ZNF648: variants seen among roughly 807,000 people sequenced by gnomAD.
ZNF648 encodes zinc finger protein 648.
Under a neutral mutation model 0.3 loss-of-function variants are expected in ZNF648, and 1 was observed. The ratio of observed to expected loss-of-function variants is 3.90; its 90% confidence interval spans 1.39 to 18.51. The LOEUF (loss-of-function observed/expected upper bound fraction) is 18.51, where lower values mean the gene tolerates loss of function less well. Among genes scored for constraint, ZNF648 ranks in the 30% most tolerant of loss-of-function variants. ZNF648 has a pLI of 0.11. For missense variants in ZNF648, 874 were observed against 769.7 expected, an observed-to-expected ratio of 1.14 and a Z score of -1.60; for synonymous variants, 376 against 326.8, an observed-to-expected ratio of 1.15 and a Z score of -1.62.
rs559054881 is a variant in ZNF648 at position 182,056,365 on chromosome 1, C to T, written c.1646G>A (p.Arg549Gln). The change falls in exon 2 of 2, where the codon CGA becomes CAA. Residue 549 changes from arginine (R) to glutamine (Q), a missense_variant. Arg to Gln is a conservative substitution (Grantham distance 43). Transcript: ENST00000339948. The stretch of plus-strand genomic sequence containing the variant: ...GCAGGTGCCGTGCTTGGCTCGGTGT[C>T]GTTGGAGGTGATTGGACCTGGTGAA... ...QAFTRSNHLQRHRAKHGTCKK... is the reference protein window; with the variant it reads ...QAFTRSNHLQQHRAKHGTCKK... 9 of 1,614,074 alleles carry T rather than the reference C, an allele frequency of 5.6e-6. No individual in the cohort carries two copies. Among genetic ancestry groups the T allele is most frequent in the Non-Finnish European group, 6.8e-6 (8 of 1,179,978 alleles).
chr1:182,067,542 T>C, the ZNF648 span, among the ~76,000 whole-genome samples: 1 of 152,150 alleles, frequency 6.6e-6, no homozygotes, highest in Non-Finnish European at 1.5e-5. Flanking sequence ...ACCTCTGGTC[T>C]CCACTGGAAC....
the ZNF648 span, among the ~76,000 whole-genome samples, chr1:182,069,619 A>G: frequency 2.6e-5 from 4 of 152,218 alleles, no homozygotes; most frequent in African/African-American, 9.7e-5. Flanking sequence ...ACCTCTGGCA[A>G]ATCTAATGGG....
At position 182,057,556 on chromosome 1, in the gene ZNF648, T is replaced by C; in HGVS notation, c.455A>G (p.Tyr152Cys). ...GDRLPAGDDG[Y>C]SGANQDAVLD... ...GACTGCGTCCTGGTTTGCCCCCGAGTATCCATCATCACCCGCAGGTAGTCG... is the reference window on the plus strand; with the variant it reads ...GACTGCGTCCTGGTTTGCCCCCGAGCATCCATCATCACCCGCAGGTAGTCG... Residue 152 changes from tyrosine to cysteine, a missense_variant, in exon 2 of 2, where the codon TAC becomes TGC. Coordinates refer to ENST00000339948, the MANE Select transcript of ZNF648 (RefSeq NM_001009992.1). 6.2e-7 allele frequency: 1 copy of C among 1,614,120 alleles called. No individual in the cohort carries two copies. Among genetic ancestry groups the C allele is most frequent in the Non-Finnish European group, 8.5e-7 (1 of 1,180,010 alleles).
chr1:182,060,787 A>G (rs1666020187), intron 1 of ZNF648, among the ~76,000 whole-genome samples: 1 of 151,736 alleles, frequency 6.6e-6, no homozygotes, highest in Non-Finnish European at 1.5e-5. Flanking sequence ...CAGCAGGGAC[A>G]GCAAAGGGAT....
In ZNF648 at chr1:182,056,778, C is replaced by G. The variant is rs888600760; in HGVS notation, c.1233G>C (p.Gln411His). 1.7e-5 allele frequency: 27 copies of G among 1,559,092 alleles called. No homozygotes were observed. In the Admixed American group the frequency reaches 3.5e-4, roughly 20 times the overall value. ...AGGGCCGCTCGCCCGAGTGCACGCG[C>G]TGGTGCTCCACCATGCGGCTGGCCA... Reference protein sequence around the residue: ...FAVASRMVEHQRVHSGERPFP... With the variant: ...FAVASRMVEHHRVHSGERPFP... Residue 411 changes from glutamine (Q) to histidine (H), a missense_variant, in exon 2 of 2, where the codon CAG becomes CAC. By Grantham distance (24) the Gln-to-His change is conservative (BLOSUM62 0). Coordinates refer to ENST00000339948, the MANE Select transcript of ZNF648 (RefSeq NM_001009992.1).
At chr1:182,058,193 T>C in intron 1 of ZNF648, 120 bp from the exon 2 acceptor site, 1 of 694,906 alleles carries the variant, frequency 1.4e-6, no homozygotes, top group East Asian at 2.8e-5. Context: ...GTCAGGCATA[T>C]TGTTGAGCCT....
Position 182,057,072 on chromosome 1 carries a change from G to C in ZNF648, c.939C>G (p.Asp313Glu). 2 of 1,612,974 alleles carry C rather than the reference G, an allele frequency of 1.2e-6. No individual in the cohort carries two copies. Among genetic ancestry groups the C allele is most frequent in the Non-Finnish European group, 1.7e-6 (2 of 1,179,950 alleles). Reference sequence around the variant, plus strand: ...GGTCGGAGGACCAGGTGTAGGCCTTGTCGCAGAAGGAGCACTGGTAGGGCC... The same window carrying C: ...GGTCGGAGGACCAGGTGTAGGCCTTCTCGCAGAAGGAGCACTGGTAGGGCC... The part of the protein sequence containing the change: ...GERPYQCSFC[D>E]KAYTWSSDHR... Residue 313 changes from aspartate to glutamate, a missense_variant, in exon 2 of 2, where the codon GAC (aspartate) becomes GAG (glutamate). Asp to Glu is a conservative substitution (Grantham distance 45). Transcript: ENST00000339948.
At chr1:182,063,481 T>A (rs532638559), upstream of ZNF648, 2 of 152,252 alleles carry the variant, frequency 1.3e-5, no homozygotes, top group Non-Finnish European at 2.9e-5. Context: ...TTTCATGTAT[T>A]TGTTGGCTGC....
chr1:182,056,697 G>A lies in ZNF648; in HGVS notation c.1314C>T (p.His438=), dbSNP rs1456047401. Residue 438 remains histidine, a synonymous_variant, in exon 2 of 2, where the codon CAC becomes CAT. Transcript: ENST00000339948. The part of the protein sequence containing the change: ...CFTKSSNLSE[H]QTLHTGQRPF... ...GCCTCTGGCCGGTGTGCAGCGTCTG[G>A]TGCTCGGACAGATTGGAGGACTTGG... The A allele has an allele frequency of 5.0e-6, 8 of 1,599,586 alleles. No individual in the cohort carries two copies. Among genetic ancestry groups the A allele is most frequent in the East Asian group, 4.5e-5 (2 of 43,984 alleles).
At position 182,056,713 on chromosome 1, in the gene ZNF648, G is replaced by GAGGACTTGGTGA; in HGVS notation, c.1286_1297dup (p.Phe429_Ser432dup). The GAGGACTTGGTGA allele has an allele frequency of 6.3e-7, 1 of 1,593,814 alleles. No homozygotes were observed. Among genetic ancestry groups the GAGGACTTGGTGA allele is most frequent in the Non-Finnish European group, 8.5e-7 (1 of 1,170,194 alleles). On this transcript the variant is annotated inframe_insertion, in exon 2 of 2. Transcript: ENST00000339948. ...CAGCGTCTGGTGCTCGGACAGATTG[G>GAGGACTTGGTGA]AGGACTTGGTGAAGCACTTGCCGCA...
At position 182,054,704 on chromosome 1, in the gene ZNF648, G is replaced by A. The variant is rs1278047586; in HGVS notation, c.*1600C>T. 2.6e-5 allele frequency: 4 copies of A among 152,168 alleles called. No individual in the cohort carries two copies. Among genetic ancestry groups the A allele is most frequent in the Non-Finnish European group, 5.9e-5 (4 of 68,034 alleles). 9.4% of individuals were successfully genotyped at this position (152,168 alleles called of 1,614,324 possible). On this transcript the variant is annotated 3_prime_UTR_variant, in exon 2 of 2. Coordinates refer to ENST00000339948, the MANE Select transcript of ZNF648 (RefSeq NM_001009992.1). ...ATCCAGCCAAAGTTTCCGTCATATA[G>A]TAGGATCACTCTAACTTTTACCTAC...
upstream of ZNF648, chr1:182,064,745 A>C (rs1300310028): frequency 6.6e-6 from 1 of 152,200 alleles, no homozygotes; most frequent in African/African-American, 2.4e-5. Flanking sequence ...TGAACACTTA[A>C]AATAGCTCCC....
chr1:182,058,904 A>C (rs1000726443), intron 1 of ZNF648, among the ~76,000 whole-genome samples: 2 of 152,156 alleles, frequency 1.3e-5, no homozygotes, highest in Non-Finnish European at 2.9e-5. Context: ...GGCTCACTGC[A>C]ACCTCTGCCT....
chr1:182,066,077 G>A (rs192923330), upstream of ZNF648, among the ~76,000 whole-genome samples: 7 of 152,306 alleles, frequency 4.6e-5, no homozygotes, highest in African/African-American at 1.7e-4. Flanking sequence ...CAAAGTAGGT[G>A]TTCTTTTATG....
upstream of ZNF648, among the ~76,000 whole-genome samples, chr1:182,066,420 G>A (rs1666101352): frequency 6.6e-6 from 1 of 152,224 alleles, no homozygotes; most frequent in Admixed American, 6.5e-5. Flanking sequence ...GTGAATGGTT[G>A]GTGAGGTATA....
At chr1:182,065,942 A>G (rs1327539763), upstream of ZNF648, among the ~76,000 whole-genome samples, 1 of 152,162 alleles carries the variant, frequency 6.6e-6, no homozygotes, top group Non-Finnish European at 1.5e-5. Context: ...AATCTTTCCA[A>G]CACTCACTGT....
At position 182,057,029 on chromosome 1, in the gene ZNF648, T is replaced by TCC. The variant is rs1665932015; in HGVS notation, c.981_982insGG (p.Thr328GlyfsTer45). On this transcript the variant is annotated frameshift_variant, in exon 2 of 2. Coordinates refer to ENST00000339948, the MANE Select transcript of ZNF648 (RefSeq NM_001009992.1). LOFTEE classifies it low-confidence loss of function (END_TRUNC). Reference sequence around the variant, plus strand: ...GGGTAGGGTTTCTCGCCTGTGTGGGTGCGGATGTGCTTCCGGTGGTCGGAG... The same window carrying TCC: ...GGGTAGGGTTTCTCGCCTGTGTGGGTCCGCGGATGTGCTTCCGGTGGTCGGAG... 6.2e-7 allele frequency: 1 copy of TCC among 1,611,890 alleles called. No individual in the cohort carries two copies. Among genetic ancestry groups the TCC allele is most frequent in the South Asian group, 1.1e-5 (1 of 90,998 alleles).
chr1:182,056,396 G>A lies in ZNF648; in HGVS notation c.1615C>T (p.Gln539Ter). 1 of 1,614,074 alleles carries A rather than the reference G, an allele frequency of 6.2e-7. No homozygotes were observed. Among genetic ancestry groups the A allele is most frequent in the Non-Finnish European group, 8.5e-7 (1 of 1,180,002 alleles). ...ERPYQCEDCG[Q>*]AFTRSNHLQR... The stretch of plus-strand genomic sequence containing the variant: ...AGGTGATTGGACCTGGTGAAGGCCT[G>A]GCCGCAGTCCTCACACTGGTAGGGC... The change falls in exon 2 of 2, where the codon CAG becomes TAG. Residue 539 changes from glutamine (Q) to a stop codon, truncating the protein, a stop_gained. Transcript: ENST00000339948. LOFTEE classifies it low-confidence loss of function (END_TRUNC).
At position 182,057,113 on chromosome 1, in the gene ZNF648, G is replaced by C. The variant is rs749940522; in HGVS notation, c.898C>G (p.Leu300Val). ...TGGTAGGGCCGCTCGCCCGTGTGCA[G>C]GCGCCTGTGCTGCTGGAGTGTGCCG... ...HRGTLQQHRR[L>V]HTGERPYQCS... Residue 300 changes from leucine to valine, a missense_variant, in exon 2 of 2, where the codon CTG (leucine) becomes GTG (valine). Physicochemically the swap from Leu to Val is conservative, Grantham distance 32. Coordinates refer to ENST00000339948, the MANE Select transcript of ZNF648 (RefSeq NM_001009992.1). The C allele has an allele frequency of 2.4e-5, 38 of 1,608,748 alleles. 1 individual carries two copies. The East Asian group carries it at 8.5e-4, about 36-fold the overall frequency.
Sources: allele counts gnomAD v4.1 joint callset (sites outside exome capture counted in the v4.1 genomes callset), GRCh38; gene constraint gnomAD v4.1.1; transcripts MANE v1.5; gene names NCBI Gene and HGNC (gene_info 2026-07-23, HGNC 2026-07-21).